Variants in LRSAM1 observed in about 807,000 individuals in gnomAD.
LRSAM1 encodes the protein E3 ubiquitin-protein ligase LRSAM1.
A neutral mutation model predicts 118.1 loss-of-function variants in LRSAM1; 96 were observed. That is an observed-to-expected ratio of 0.81 (90% confidence interval 0.69 to 0.96). The LOEUF (loss-of-function observed/expected upper bound fraction) is 0.96. LRSAM1 is among the 40% of genes least tolerant of loss of function. LRSAM1 has a pLI of 0.00. For missense variants in LRSAM1, 804 were observed against 915.5 expected (o/e 0.88, Z 1.57); for synonymous variants, 322 against 364.2 (o/e 0.88, Z 1.32).
In LRSAM1 at chr9:127,502,478, A is replaced by G. The variant is rs564404351; in HGVS notation, c.2047-296A>G. Among the ~76,000 whole-genome samples, 17 of 152,208 alleles carry G rather than the reference A, an allele frequency of 1.1e-4. No homozygotes were observed. In the South Asian group the frequency reaches 2.9e-3, roughly 26 times the overall value. ...GGCGGGCAGATCACTTGGGGTCAGG[A>G]GTTCGAGACTAGCCTGACCAACATG... is the stretch of plus-strand genomic sequence containing the variant. On this transcript the variant is annotated intron_variant, in intron 25 of 25. Transcript: ENST00000300417.
intron 23 of LRSAM1, among the ~76,000 whole-genome samples, chr9:127,496,580 GT>G (rs1836153728): frequency 6.6e-6 from 1 of 152,184 alleles, no homozygotes; most frequent in Admixed American, 6.5e-5. Context: ...AGCACTTTTT[GT>G]ATTCGAACTC....
intron 6 of LRSAM1, 87 bp from the exon 7 acceptor site, chr9:127,458,916 G>C: frequency 7.6e-7 from 1 of 1,315,592 alleles, no homozygotes; most frequent in Non-Finnish European, 1.1e-6. Flanking sequence ...GGGGTGTGAG[G>C]TGGCCCCAGC....
Position 127,497,031 on chromosome 9 carries a change from T to C in LRSAM1, c.1831-222T>C, listed in dbSNP as rs118029779. On this transcript the variant is annotated intron_variant, in intron 23 of 25. Transcript: ENST00000300417. ...TGGGCCTCAGTTTCCCCCCAACCCC[T>C]GCCACACTGATTGTTGGGCTGAGGC... Among the ~76,000 whole-genome samples the C allele has an allele frequency of 2.2e-3, 332 of 152,358 alleles. 3 individuals carry two copies. The East Asian group carries it at 0.042, about 19-fold the overall frequency.
chr9:127,461,098 C>A, intron 7 of LRSAM1, 75 bp from the exon 8 acceptor site: 6 of 1,146,010 alleles, frequency 5.2e-6, no homozygotes, highest in South Asian at 2.4e-5. Flanking sequence ...TTGTGATCCA[C>A]CTGCCTCGGC....
intron 7 of LRSAM1, 100 bp downstream of exon 7, chr9:127,459,171 C>A: frequency 8.4e-7 from 1 of 1,193,554 alleles, no homozygotes; most frequent in Non-Finnish European, 1.2e-6. Flanking sequence ...CCAGTGGAAG[C>A]AGGCTGCAAT....
intron 11 of LRSAM1, among the ~76,000 whole-genome samples, chr9:127,474,737 TCAGA>T (rs1439302093): frequency 1.3e-5 from 2 of 151,826 alleles, no homozygotes; most frequent in East Asian, 3.9e-4. Flanking sequence ...AGTGAAGGAG[TCAGA>T]CAGGCACATG....
rs148542461 is a variant in LRSAM1 at position 127,464,579 on chromosome 9, A to G, written c.528+2206A>G. 2.9e-3 allele frequency among the ~76,000 whole-genome samples: 436 copies of G among 152,004 alleles called. 3 individuals carry two copies. Among genetic ancestry groups the G allele is most frequent in the African/African-American group, 0.01 (415 of 41,432 alleles). On this transcript the variant is annotated intron_variant, in intron 9 of 25. Coordinates refer to ENST00000300417, the MANE Select transcript of LRSAM1 (RefSeq NM_001005373.4). ...GTCCTTAGTGGCTACCATTTTAGACAATACAGCTCAGAGCACGTTCCCAAT... is the reference window on the plus strand; with the variant it reads ...GTCCTTAGTGGCTACCATTTTAGACGATACAGCTCAGAGCACGTTCCCAAT...
chr9:127,486,379 C>T (rs934002060), intron 17 of LRSAM1: 2 of 164,524 alleles, frequency 1.2e-5, no homozygotes, highest in Non-Finnish European at 2.7e-5. Flanking sequence ...TCCCTGTGCT[C>T]ACTGGGCACT....
intron 15 of LRSAM1, among the ~76,000 whole-genome samples, chr9:127,481,475 C>T (rs960082338): frequency 6.6e-6 from 1 of 151,978 alleles, no homozygotes; most frequent in Non-Finnish European, 1.5e-5. Flanking sequence ...GTTTCGATCT[C>T]CTGACCTCAT....
At chr9:127,469,967 AAAAAT>A (rs1009891778) in intron 10 of LRSAM1, among the ~76,000 whole-genome samples, 1 of 152,106 alleles carries the variant, frequency 6.6e-6, no homozygotes, top group South Asian at 2.1e-4. Context: ...TCCATCTCAA[AAAAAT>A]AAAATAAAAT....
intron 14 of LRSAM1, among the ~76,000 whole-genome samples, chr9:127,480,672 C>A (rs941910003): frequency 1.3e-5 from 2 of 152,154 alleles, no homozygotes; most frequent in Non-Finnish European, 2.9e-5. Flanking sequence ...ACAAATGCAC[C>A]AAGAAGCTGG....
At chr9:127,497,163 T>C in intron 23 of LRSAM1, 90 bp from the exon 24 acceptor site, 1 of 1,334,328 alleles carries the variant, frequency 7.5e-7, no homozygotes, top group Non-Finnish European at 1.1e-6. Flanking sequence ...GTGTCGACGG[T>C]CCTGTGAGCC....
At chr9:127,480,784 T>G (rs1835508087) in intron 14 of LRSAM1, among the ~76,000 whole-genome samples, 1 of 152,092 alleles carries the variant, frequency 6.6e-6, no homozygotes, top group African/African-American at 2.4e-5. Context: ...TTCTCCCAGG[T>G]TCAAGCAATT....
intron 12 of LRSAM1, 144 bp from the exon 13 acceptor site, chr9:127,479,239 T>C (rs1350385857): frequency 1.3e-5 from 16 of 1,219,050 alleles, no homozygotes; most frequent in Middle Eastern, 2.1e-4. Context: ...TTTCTTACAG[T>C]TGGGCCCTGG....
rs1192995341 is a variant in LRSAM1, at chr9:127,467,908, G to A, written c.619+78G>A. 8.4e-6 allele frequency: 12 copies of A among 1,421,892 alleles called. No homozygotes were observed. In the Admixed American group the frequency reaches 2.0e-4, roughly 23 times the overall value. 88.1% of individuals were successfully genotyped at this position (1,421,892 alleles called of 1,614,324 possible). ...GCCACCCTGTGCCAGCCCAGGCTGG[G>A]GAACAGCAGAGACAGAAATGGCCAC... is the stretch of plus-strand genomic sequence containing the variant. On this transcript the variant is annotated intron_variant, in intron 10 of 25. Transcript: ENST00000300417.
At chr9:127,497,434 G>C (rs1836195988) in intron 24 of LRSAM1, 100 bp downstream of exon 24, 1 of 1,196,640 alleles carries the variant, frequency 8.4e-7, no homozygotes, top group East Asian at 2.5e-5. Context: ...TGACTCCTGA[G>C]GGCTGGTTCT....
At chr9:127,454,381 A>G (rs1490836514) in intron 2 of LRSAM1, 115 bp from the exon 3 acceptor site, 6 of 806,916 alleles carry the variant, frequency 7.4e-6, no homozygotes, top group Non-Finnish European at 1.3e-5. Context: ...CCCTGCCTCC[A>G]TGGAACTCAT....
chr9:127,458,923 C>CA, intron 6 of LRSAM1, 80 bp from the exon 7 acceptor site: 1 of 1,450,588 alleles, frequency 6.9e-7, no homozygotes, highest in African/African-American at 1.4e-5. Flanking sequence ...GAGGTGGCCC[C>CA]AGCCCCTCCT....
Position 127,502,748 on chromosome 9 carries a change from C to G in LRSAM1, c.2047-26C>G, listed in dbSNP as rs1023324232. ...ACTCCTGGAACCCGGTAGGGCCAGCCACATGCTCCCGCTCTCCCTCCCCAG... is the reference window on the plus strand; with the variant it reads ...ACTCCTGGAACCCGGTAGGGCCAGCGACATGCTCCCGCTCTCCCTCCCCAG... On this transcript the variant is annotated intron_variant, in intron 25 of 25. Coordinates refer to ENST00000300417, the MANE Select transcript of LRSAM1 (RefSeq NM_001005373.4). The G allele has an allele frequency of 2.5e-6, 4 of 1,611,018 alleles. No homozygotes were observed. In the South Asian group the frequency reaches 4.4e-5, roughly 18 times the overall value.
Sources: allele counts gnomAD v4.1 joint callset (sites outside exome capture counted in the v4.1 genomes callset), GRCh38; gene constraint gnomAD v4.1.1; transcripts MANE v1.5; gene names NCBI Gene and HGNC (gene_info 2026-07-23, HGNC 2026-07-21).